WDR72: variants seen among roughly 807,000 people sequenced by gnomAD.
The protein encoded by WDR72 is WD repeat-containing protein 72.
A neutral mutation model predicts 124.2 loss-of-function variants in WDR72; 120 were observed. The ratio of observed to expected loss-of-function variants is 0.97; its 90% CI spans 0.83 to 1.12. The LOEUF (loss-of-function observed/expected upper bound fraction) is 1.12, where lower values mean the gene tolerates loss of function less well. WDR72 is among the 50% of genes most tolerant of loss of function. The pLI, the probability that WDR72 is intolerant of heterozygous loss-of-function variation, is 0.00. For missense variants in WDR72, 1,387 were observed against 1,278.8 expected (o/e 1.08, Z -1.29); for synonymous variants, 452 against 441.7 (o/e 1.02, Z -0.29).
chr15:53,737,628 C>G (rs1174176922), intron 1 of WDR72, among the ~76,000 whole-genome samples: 2 of 152,000 alleles, frequency 1.3e-5, no homozygotes, highest in Admixed American at 6.6e-5. Flanking sequence ...TCTAGATACT[C>G]AACAGCAGAG....
intron 13 of WDR72, among the ~76,000 whole-genome samples, chr15:53,688,317 T>C (rs578011403): frequency 5.3e-4 from 78 of 148,410 alleles, no homozygotes; most frequent in South Asian, 3.5e-3. Flanking sequence ...GAAAACCCCA[T>C]TGTCTCAGCC....
At chr15:53,676,122 C>G (rs2016163848) in intron 13 of WDR72, among the ~76,000 whole-genome samples, 1 of 152,150 alleles carries the variant, frequency 6.6e-6, no homozygotes, top group Non-Finnish European at 1.5e-5. Flanking sequence ...AAAAGGCTCT[C>G]TCATCTCTTC....
rs2013747662 is a variant in WDR72 at position 53,615,961 on chromosome 15, T to G, written c.2245A>C (p.Ser749Arg). 1.2e-6 allele frequency: 2 copies of G among 1,613,364 alleles called. No individual in the cohort carries two copies. The highest frequency in any genetic ancestry group is 1.7e-5 in the Admixed American group (1 of 59,824). ...ATGGTATTATCTCCTTGGGCCAGGCTTTCAGTAATAGGCTTGGCTAGTGCC... is the reference window on the plus strand; with the variant it reads ...ATGGTATTATCTCCTTGGGCCAGGCGTTCAGTAATAGGCTTGGCTAGTGCC... ...AEALAKPITESLAQGDNTIKF... is the reference protein window; with the variant it reads ...AEALAKPITERLAQGDNTIKF... The change falls in exon 15 of 20, where the codon AGC (serine) becomes CGC (arginine). Residue 749 changes from serine to arginine, a missense_variant. Coordinates refer to ENST00000360509, the MANE Select transcript of WDR72 (RefSeq NM_182758.4).
chr15:53,760,796 A>G (rs1403260249), upstream of WDR72, among the ~76,000 whole-genome samples: 1 of 152,200 alleles, frequency 6.6e-6, no homozygotes, highest in South Asian at 2.1e-4. Flanking sequence ...AGCTTAAACA[A>G]CTCAATAGGA....
Position 53,710,943 on chromosome 15 carries a change from T to C in WDR72, c.868A>G (p.Lys290Glu). 1 of 1,613,668 alleles carries C rather than the reference T, an allele frequency of 6.2e-7. No homozygotes were observed. The highest frequency in any genetic ancestry group is 8.5e-7 in the Non-Finnish European group (1 of 1,179,898). Reference protein sequence around the residue: ...IYQLLNSGLSKSIYPADGRVL... With the variant: ...IYQLLNSGLSESIYPADGRVL... ...CTTCCATCAGCAGGGTATATGCTTTTTGAAAGCCCACTGCGTGGCAAAAAT... is the reference window on the plus strand; with the variant it reads ...CTTCCATCAGCAGGGTATATGCTTTCTGAAAGCCCACTGCGTGGCAAAAAT... The change falls in exon 9 of 20, where the codon AAA becomes GAA. Residue 290 changes from lysine (K) to glutamate (E), a missense_variant. By Grantham distance (56) the Lys-to-Glu change is moderately conservative. Coordinates refer to ENST00000360509, the MANE Select transcript of WDR72 (RefSeq NM_182758.4).
chr15:53,654,363 G>A (rs1359903928), intron 14 of WDR72, among the ~76,000 whole-genome samples: 2 of 152,212 alleles, frequency 1.3e-5, no homozygotes, highest in Admixed American at 6.5e-5. Context: ...TATACAGATA[G>A]AGAAGTAAGG....
At chr15:53,526,670 AC>A (rs1360251016) in intron 18 of WDR72, among the ~76,000 whole-genome samples, 4 of 152,096 alleles carry the variant, frequency 2.6e-5, no homozygotes. Context: ...ATTTATCAAT[AC>A]CAAAGTCCAT....
chr15:53,626,977 A>C (rs577198364), intron 14 of WDR72, among the ~76,000 whole-genome samples: 1 of 152,342 alleles, frequency 6.6e-6, no homozygotes, highest in South Asian at 2.1e-4. Context: ...AAGTTAGGAA[A>C]TATAGGCAGC....
intron 1 of WDR72, among the ~76,000 whole-genome samples, chr15:53,739,859 G>A (rs927531754): frequency 1.3e-5 from 2 of 152,034 alleles, no homozygotes; most frequent in Non-Finnish European, 2.9e-5. Flanking sequence ...ATTTTTTTAC[G>A]GGCAATGTGC....
chr15:53,680,164 A>G (rs56951111), intron 13 of WDR72, among the ~76,000 whole-genome samples: 11,441 of 152,178 alleles, frequency 0.075, 1,091 homozygotes, highest in African/African-American at 0.22. Context: ...GAGATAAGAT[A>G]GGTTAATAGA....
chr15:53,731,979 CA>C (rs1178667814), intron 2 of WDR72, among the ~76,000 whole-genome samples: 1 of 152,162 alleles, frequency 6.6e-6, no homozygotes, highest in Non-Finnish European at 1.5e-5. Context: ...TACACTTAAA[CA>C]TTAAAAATAA....
At chr15:53,644,118 G>A (rs957202979) in intron 14 of WDR72, among the ~76,000 whole-genome samples, 3 of 152,088 alleles carry the variant, frequency 2.0e-5, no homozygotes, top group African/African-American at 7.2e-5. Flanking sequence ...GAAATCAAGT[G>A]ATCCTTGAGT....
intron 18 of WDR72, among the ~76,000 whole-genome samples, chr15:53,563,121 C>T: frequency 6.6e-6 from 1 of 151,600 alleles, no homozygotes; most frequent in East Asian, 1.9e-4. Context: ...AGAAATTTTC[C>T]ACGTAACAAA....
At chr15:53,661,907 G>T (rs532001658) in intron 14 of WDR72, among the ~76,000 whole-genome samples, 8 of 152,144 alleles carry the variant, frequency 5.3e-5, no homozygotes, top group African/African-American at 1.9e-4. Context: ...TTAAAGAAAA[G>T]ACATTTCCAG....
intron 13 of WDR72, among the ~76,000 whole-genome samples, chr15:53,674,423 G>T (rs1356909570): frequency 6.6e-6 from 1 of 152,062 alleles, no homozygotes. Flanking sequence ...TATGGAGATC[G>T]ACCTAGCACC....
At chr15:53,634,245 T>C (rs2014541237) in intron 14 of WDR72, among the ~76,000 whole-genome samples, 1 of 152,214 alleles carries the variant, frequency 6.6e-6, no homozygotes, top group Non-Finnish European at 1.5e-5. Context: ...CCTCAGGACC[T>C]GAGGAACAAA....
chr15:53,661,416 C>T (rs578167212), intron 14 of WDR72, among the ~76,000 whole-genome samples: 61 of 152,168 alleles, frequency 4.0e-4, no homozygotes, highest in African/African-American at 1.3e-3. Flanking sequence ...GCATCCAATG[C>T]TCCTGGAAAC....
intron 1 of WDR72, among the ~76,000 whole-genome samples, chr15:53,746,845 T>A (rs775250685): frequency 6.6e-6 from 1 of 152,196 alleles, no homozygotes; most frequent in African/African-American, 2.4e-5. Flanking sequence ...ATTAAATGTA[T>A]TATAAATTTA....
At position 53,517,755 on chromosome 15, in the gene WDR72, C is replaced by T; in HGVS notation, c.3254-1G>A. ...ATCCATGAATGATGCCTTGGCTCACCTAGGAAAAAAGCAGATATCTTGGGT... is the reference window on the plus strand; with the variant it reads ...ATCCATGAATGATGCCTTGGCTCACTTAGGAAAAAAGCAGATATCTTGGGT... On this transcript the variant is annotated splice_acceptor_variant, in intron 19 of 19. Coordinates refer to ENST00000360509, the MANE Select transcript of WDR72 (RefSeq NM_182758.4). LOFTEE classifies it high-confidence loss of function. 6.2e-7 allele frequency: 1 copy of T among 1,612,090 alleles called. No homozygotes were observed. The highest frequency in any genetic ancestry group is 1.1e-5 in the South Asian group (1 of 91,038).
Sources: allele counts gnomAD v4.1 joint callset (sites outside exome capture counted in the v4.1 genomes callset), GRCh38; gene constraint gnomAD v4.1.1; transcripts MANE v1.5; gene names NCBI Gene and HGNC (gene_info 2026-07-23, HGNC 2026-07-21).